PCDHA3: variants seen among roughly 807,000 people sequenced by gnomAD.
The protein encoded by PCDHA3 is protocadherin alpha-3.
Under a neutral mutation model 62.2 loss-of-function variants are expected in PCDHA3, and 41 were observed. The ratio of observed to expected loss-of-function variants is 0.66; its 90% confidence interval spans 0.51 to 0.86. The LOEUF (loss-of-function observed/expected upper bound fraction) is 0.86. Ranked by LOEUF, PCDHA3 falls within the 40% of genes least tolerant of loss-of-function variation. The pLI is 0.00. For synonymous variants in PCDHA3, 640 were observed against 555.4 expected, an observed-to-expected ratio of 1.15 and a Z score of -2.14; for missense variants, 1,304 against 1,241.2, an observed-to-expected ratio of 1.05 and a Z score of -0.76.
At chr5:140,966,268 A>C (rs542154117) in intron 1 of PCDHA3, 5 of 351,754 alleles carry the variant, frequency 1.4e-5, no homozygotes, top group African/African-American at 1.0e-4. Context: ...AGACTGGATG[A>C]ACTGGACAGT....
intron 3 of PCDHA3, among the ~76,000 whole-genome samples, chr5:140,985,795 A>G (rs2097171299): frequency 7.3e-6 from 1 of 136,386 alleles, no homozygotes; most frequent in African/African-American, 2.8e-5. Context: ...GCTGGAGTGC[A>G]GTGGCACGAT....
At chr5:140,888,426 C>G (rs1315110358) in intron 1 of PCDHA3, among the ~76,000 whole-genome samples, 1 of 152,168 alleles carries the variant, frequency 6.6e-6, no homozygotes, top group Non-Finnish European at 1.5e-5. Flanking sequence ...CTACCGTGCA[C>G]AGGACAGCCG....
chr5:140,878,333 G>C (rs947043628), intron 1 of PCDHA3, among the ~76,000 whole-genome samples: 4 of 152,000 alleles, frequency 2.6e-5, no homozygotes, highest in Admixed American at 6.5e-5. Flanking sequence ...TATATTCCAG[G>C]TATTATCACA....
At chr5:140,834,180 C>G in intron 1 of PCDHA3, 1 of 562,966 alleles carries the variant, frequency 1.8e-6, no homozygotes, top group Non-Finnish European at 3.1e-6. Context: ...ATGATGGCCA[C>G]ATGATGTCGC....
At chr5:140,989,410 C>T (rs568177388) in intron 3 of PCDHA3, among the ~76,000 whole-genome samples, 1 of 152,230 alleles carries the variant, frequency 6.6e-6, no homozygotes, top group South Asian at 2.1e-4. Context: ...GGAGAGTCTG[C>T]ACTTCACTCT....
chr5:140,900,817 A>G (rs2068314504), intron 1 of PCDHA3, among the ~76,000 whole-genome samples: 1 of 152,154 alleles, frequency 6.6e-6, no homozygotes, highest in Non-Finnish European at 1.5e-5. Context: ...ACTAATTTAC[A>G]TTCCCACCAA....
intron 1 of PCDHA3, among the ~76,000 whole-genome samples, chr5:140,879,219 A>G (rs2057906971): frequency 6.6e-6 from 1 of 152,252 alleles, no homozygotes; most frequent in South Asian, 2.1e-4. Context: ...AATGAATTGA[A>G]AAAGACATAT....
rs539246204 is a variant in PCDHA3 at position 140,883,140 on chromosome 5, A to G, written c.2394+79549A>G. On this transcript the variant is annotated intron_variant, in intron 1 of 3. Coordinates refer to ENST00000522353, the MANE Select transcript of PCDHA3 (RefSeq NM_018906.3). The stretch of plus-strand genomic sequence containing the variant: ...AGGCCTGTATGGCCTGCAGTGGTAT[A>G]TGCATTTACCATAAATCCGAACAAT... 9 of 1,614,118 alleles carry G rather than the reference A, an allele frequency of 5.6e-6. No individual in the cohort carries two copies. The South Asian group carries it at 9.9e-5, about 18-fold the overall frequency.
intron 1 of PCDHA3, chr5:140,807,531 A>G: frequency 1.2e-6 from 2 of 1,614,140 alleles, no homozygotes; most frequent in Non-Finnish European, 1.7e-6. Context: ...AGGCCGCTGC[A>G]GGTTTTCCAT....
rs2150316102 is a variant in PCDHA3 at position 140,841,467 on chromosome 5, C to T, written c.2394+37876C>T. On this transcript the variant is annotated intron_variant, in intron 1 of 3. Coordinates refer to ENST00000522353, the MANE Select transcript of PCDHA3 (RefSeq NM_018906.3). Reference sequence around the variant, plus strand: ...CACGGCACCTTCGTGGGCCGGATCGCGCAGGACCTGGGGCTGGAGCTGGCG... The same window carrying T: ...CACGGCACCTTCGTGGGCCGGATCGTGCAGGACCTGGGGCTGGAGCTGGCG... The T allele has an allele frequency of 2.4e-5, 39 of 1,612,946 alleles. 1 individual carries two copies. In the South Asian group the frequency reaches 4.0e-4, roughly 16 times the overall value.
intron 1 of PCDHA3, chr5:140,869,738 T>C (rs1454972321): frequency 1.2e-6 from 2 of 1,613,348 alleles, no homozygotes; most frequent in Non-Finnish European, 8.5e-7. Flanking sequence ...AATTTGCTGC[T>C]AACAGCTACA....
At chr5:140,905,035 G>C (rs1554191907) in intron 1 of PCDHA3, among the ~76,000 whole-genome samples, 1 of 152,136 alleles carries the variant, frequency 6.6e-6, no homozygotes. Flanking sequence ...AAGCTTTTTA[G>C]TTTAATTAGG....
At chr5:140,842,280 T>C (rs1554138934) in intron 1 of PCDHA3, 10 of 1,610,840 alleles carry the variant, frequency 6.2e-6, no homozygotes, top group South Asian at 3.3e-5. Flanking sequence ...AAAATCCTCA[T>C]TGACGCCACG....
At position 140,850,808 on chromosome 5, in the gene PCDHA3, C is replaced by T. The variant is rs2150499098; in HGVS notation, c.2394+47217C>T. 20 of 1,598,280 alleles carry T rather than the reference C, an allele frequency of 1.3e-5. No homozygotes were observed. The South Asian group carries it at 2.2e-4, about 18-fold the overall frequency. On this transcript the variant is annotated intron_variant, in intron 1 of 3. Transcript: ENST00000522353. The stretch of plus-strand genomic sequence containing the variant: ...GTAAGCAGAAGACCGACCTCATGGC[C>T]TTCAGCCCGGGCCTTTCTCCTTGTG...
At chr5:140,824,418 A>T in intron 1 of PCDHA3, 1 of 513,258 alleles carries the variant, frequency 1.9e-6, no homozygotes, top group Middle Eastern at 5.0e-4. Context: ...CATAGTTTGG[A>T]GTCATTCTCA....
Position 140,941,473 on chromosome 5 carries a change from G to A in PCDHA3, c.2395-37476G>A, listed in dbSNP as rs192163900. Among the ~76,000 whole-genome samples, 149 of 151,018 alleles carry A rather than the reference G, an allele frequency of 9.9e-4. 1 individual carries two copies. Among genetic ancestry groups the A allele is most frequent in the African/African-American group, 3.5e-3 (143 of 41,138 alleles). Reference sequence around the variant, plus strand: ...TGGGATTACAGGCGCCCACCACCACGCCTGGCTAATTTTTTGTATTTTTAG... The same window carrying A: ...TGGGATTACAGGCGCCCACCACCACACCTGGCTAATTTTTTGTATTTTTAG... On this transcript the variant is annotated intron_variant, in intron 1 of 3. Coordinates refer to ENST00000522353, the MANE Select transcript of PCDHA3 (RefSeq NM_018906.3).
chr5:140,884,563 T>TAAGACG (rs2060266286), intron 1 of PCDHA3: 9 of 1,614,032 alleles, frequency 5.6e-6, no homozygotes, highest in Non-Finnish European at 7.6e-6. Context: ...AGGGCCCGCA[T>TAAGACG]AAGACGGACC....
At chr5:140,984,031 CAT>C (rs2153832931) in intron 3 of PCDHA3, among the ~76,000 whole-genome samples, 1 of 152,260 alleles carries the variant, frequency 6.6e-6, no homozygotes, top group South Asian at 2.1e-4. Context: ...AGGGGAAAAA[CAT>C]AAAATAGTTC....
Position 140,950,516 on chromosome 5 carries a change from G to A in PCDHA3, c.2395-28433G>A, listed in dbSNP as rs184772904. ...ATTTAAGTCATTATTCCCTGTGTGCGATATGATTGTTTTTGTTGCTCTTGC... is the reference window on the plus strand; with the variant it reads ...ATTTAAGTCATTATTCCCTGTGTGCAATATGATTGTTTTTGTTGCTCTTGC... On this transcript the variant is annotated intron_variant, in intron 1 of 3. Coordinates refer to ENST00000522353, the MANE Select transcript of PCDHA3 (RefSeq NM_018906.3). Among the ~76,000 whole-genome samples, 6 of 152,110 alleles carry A rather than the reference G, an allele frequency of 3.9e-5. No individual in the cohort carries two copies. The East Asian group carries it at 9.6e-4, about 24-fold the overall frequency.
Sources: gnomAD v4.1 joint callset for allele counts (sites outside exome capture counted in the v4.1 genomes callset) on GRCh38, gnomAD v4.1.1 for gene constraint, MANE v1.5 for transcripts, NCBI Gene and HGNC (gene_info 2026-07-23, HGNC 2026-07-21) for gene names.